MYOF: variants seen among roughly 807,000 people sequenced by gnomAD.
MYOF encodes the protein myoferlin.
A neutral mutation model predicts 284.2 loss-of-function variants in MYOF; 244 were observed. That is an observed-to-expected ratio of 0.86 (90% CI 0.77 to 0.95). The LOEUF (loss-of-function observed/expected upper bound fraction) is 0.95. MYOF is among the 40% of genes least tolerant of loss of function. The probability of loss-of-function intolerance (pLI) is 0.00; values close to 1 mark genes in which losing one functional copy is unlikely to be tolerated. For missense variants in MYOF, 2,496 were observed against 2,560.6 expected (o/e 0.97, Z 0.54); for synonymous variants, 904 against 919.7 (o/e 0.98, Z 0.31).
chr10:93,352,325 A>T (rs1844564353), intron 32 of MYOF, among the ~76,000 whole-genome samples: 1 of 152,234 alleles, frequency 6.6e-6, no homozygotes, highest in Non-Finnish European at 1.5e-5. Context: ...TTTGGGACAG[A>T]GCCTGTCCTA....
chr10:93,368,543 C>T (rs1305273882), intron 25 of MYOF, among the ~76,000 whole-genome samples: 1 of 152,196 alleles, frequency 6.6e-6, no homozygotes, highest in Non-Finnish European at 1.5e-5. Context: ...AGCATGAAGC[C>T]ACCACTCCCT....
In MYOF at chr10:93,325,821, T is replaced by C. The variant is rs1843018704; in HGVS notation, c.5271+5A>G. 6.2e-7 allele frequency: 1 copy of C among 1,610,984 alleles called. No individual in the cohort carries two copies. The highest frequency in any genetic ancestry group is 1.1e-5 in the South Asian group (1 of 90,356). ...ATGGTCTTCAAGGGAGGGAAGGCCC[T>C]TTACCTGGGAAATGTTGGGCTGGAA... is the stretch of plus-strand genomic sequence containing the variant. On this transcript the variant is annotated splice_donor_5th_base_variant and intron_variant, in intron 46 of 53. Transcript: ENST00000359263.
chr10:93,423,000 T>C (rs142885147), intron 5 of MYOF, among the ~76,000 whole-genome samples: 4 of 152,150 alleles, frequency 2.6e-5, no homozygotes, highest in South Asian at 2.1e-4. Flanking sequence ...ACATATGAAA[T>C]TGTCTTTTAT....
intron 1 of MYOF, among the ~76,000 whole-genome samples, chr10:93,464,455 C>A (rs930176069): frequency 2.0e-5 from 3 of 152,156 alleles, no homozygotes; most frequent in African/African-American, 7.2e-5. Flanking sequence ...ACGATGGTAA[C>A]ACATTTGAAA....
intron 50 of MYOF, among the ~76,000 whole-genome samples, chr10:93,315,773 G>A (rs901569122): frequency 2.0e-5 from 3 of 152,182 alleles, no homozygotes; most frequent in Non-Finnish European, 4.4e-5. Flanking sequence ...ATCCTTGGAG[G>A]GGGTGGTTGG....
At chr10:93,395,104 T>C (rs1487843676) in intron 16 of MYOF, among the ~76,000 whole-genome samples, 1 of 152,142 alleles carries the variant, frequency 6.6e-6, no homozygotes, top group Non-Finnish European at 1.5e-5. Context: ...TCTCTCAATA[T>C]ATTTAATCTA....
chr10:93,354,702 T>TCTCTCTCTCTCTC (rs1491377561), intron 31 of MYOF, among the ~76,000 whole-genome samples: 91 of 149,788 alleles, frequency 6.1e-4, no homozygotes, highest in Middle Eastern at 3.4e-3. Context: ...TCTCTCTCTC[T>TCTCTCTCTCTCTC]TTGTGAGATA....
intron 3 of MYOF, among the ~76,000 whole-genome samples, chr10:93,443,468 C>CTG (rs752810849): frequency 0.027 from 3,093 of 114,538 alleles, 34 homozygotes; most frequent in Non-Finnish European, 0.033. Context: ...CTCTCTCTCT[C>CTG]TCTCTGTGTG....
At chr10:93,441,417 C>T (rs1016478761) in intron 3 of MYOF, among the ~76,000 whole-genome samples, 2 of 151,606 alleles carry the variant, frequency 1.3e-5, no homozygotes, top group Non-Finnish European at 2.9e-5. Flanking sequence ...CGGAGTCTCA[C>T]GCCGTTGCCC....
At chr10:93,476,395 G>A (rs1334676829) in intron 1 of MYOF, among the ~76,000 whole-genome samples, 3 of 151,630 alleles carry the variant, frequency 2.0e-5, no homozygotes, top group Non-Finnish European at 4.4e-5. Context: ...GGGATTACAG[G>A]GGCCCACCAC....
intron 11 of MYOF, among the ~76,000 whole-genome samples, chr10:93,401,792 C>T (rs1195223606): frequency 2.1e-5 from 2 of 94,388 alleles, no homozygotes; most frequent in African/African-American, 6.3e-5. Context: ...AGAGCCTGTG[C>T]GTGTGTGTGT....
intron 24 of MYOF, 112 bp from the exon 25 acceptor site, chr10:93,369,888 T>C: frequency 1.5e-6 from 2 of 1,349,792 alleles, no homozygotes; most frequent in Non-Finnish European, 2.0e-6. Flanking sequence ...ACCAGTCTAA[T>C]TTTATGTTTG....
chr10:93,339,933 G>A (rs1361105365), intron 39 of MYOF, among the ~76,000 whole-genome samples: 4 of 152,104 alleles, frequency 2.6e-5, no homozygotes, highest in African/African-American at 9.6e-5. Context: ...CAAAAAATTA[G>A]CCGGGCGAGG....
intron 3 of MYOF, among the ~76,000 whole-genome samples, chr10:93,439,899 C>T (rs571143720): frequency 6.6e-6 from 1 of 152,326 alleles, no homozygotes; most frequent in African/African-American, 2.4e-5. Context: ...ACATCCATTT[C>T]TATGTAATCA....
intron 3 of MYOF, among the ~76,000 whole-genome samples, chr10:93,442,924 C>T (rs887349781): frequency 5.9e-5 from 9 of 152,020 alleles, no homozygotes; most frequent in Admixed American, 3.3e-4. Context: ...TTTGGGAGGC[C>T]GAGGGGGGCG....
In MYOF at chr10:93,409,589, T is replaced by C; in HGVS notation, c.584A>G (p.Lys195Arg). Reference protein sequence around the residue: ...VKNSRRMLSNKPQDFQIRVRV... With the variant: ...VKNSRRMLSNRPQDFQIRVRV... ...CGTTGCTACCTGGAAGTCCTGTGGC[T>C]TATTTGACAGCATCCGCCGGCTGTT... The change falls in exon 6 of 54, where the codon AAG (lysine) becomes AGG (arginine). Residue 195 changes from lysine to arginine, a missense_variant. Around this residue, in one of 3 missense-constraint regions of MYOF, gnomAD observed 2,436 missense variants for 2,480.7 expected, o/e 0.98. Coordinates refer to ENST00000359263, the MANE Select transcript of MYOF (RefSeq NM_013451.4). 2 of 1,613,906 alleles carry C rather than the reference T, an allele frequency of 1.2e-6. No individual in the cohort carries two copies. The highest frequency in any genetic ancestry group is 8.5e-7 in the Non-Finnish European group (1 of 1,179,990).
intron 3 of MYOF, among the ~76,000 whole-genome samples, chr10:93,435,299 C>G (rs1018689078): frequency 6.6e-6 from 1 of 152,178 alleles, no homozygotes; most frequent in Non-Finnish European, 1.5e-5. Flanking sequence ...AGAGGGCCAG[C>G]CTGGGGTTGG....
At chr10:93,362,805 T>C (rs4919057) in intron 27 of MYOF, among the ~76,000 whole-genome samples, 1 of 152,070 alleles carries the variant, frequency 6.6e-6, no homozygotes, top group Non-Finnish European at 1.5e-5. Flanking sequence ...AGCGGGATGA[T>C]GAATATTTAG....
chr10:93,376,667 C>A (rs1192314593), intron 22 of MYOF, among the ~76,000 whole-genome samples: 4 of 152,204 alleles, frequency 2.6e-5, no homozygotes, highest in Non-Finnish European at 4.4e-5. Context: ...TCTTTCGGAA[C>A]TTCCCTGTCC....
Sources: allele counts gnomAD v4.1 joint callset (sites outside exome capture counted in the v4.1 genomes callset), GRCh38; gene constraint gnomAD v4.1.1; regional missense constraint gnomAD v4.1.1; transcripts MANE v1.5; gene names NCBI Gene and HGNC (gene_info 2026-07-23, HGNC 2026-07-21).